Variants in LRFN5 observed in about 807,000 individuals in gnomAD.
LRFN5 encodes the protein leucine rich repeat and fibronectin type III domain containing 5.
In LRFN5, 24 loss-of-function variants were observed where a neutral mutation model predicts 45.6. The observed-to-expected ratio is 0.53, with a 90% confidence interval of 0.38 to 0.74. LRFN5 has a LOEUF of 0.74. Among genes scored for constraint, LRFN5 ranks in the 30% least tolerant of loss-of-function variants. LRFN5 has a pLI of 0.00. For synonymous variants in LRFN5, 340 were observed against 313.8 expected, an observed-to-expected ratio of 1.08 and a Z score of -0.88; for missense variants, 776 against 861.5, an observed-to-expected ratio of 0.90 and a Z score of 1.24.
At position 41,741,375 on chromosome 14, in the gene LRFN5, A is replaced by T. The variant is rs528475166; in HGVS notation, c.-196-25479A>T. 2.2e-4 allele frequency among the ~76,000 whole-genome samples: 34 copies of T among 151,860 alleles called. 1 individual carries two copies. Among genetic ancestry groups the T allele is most frequent in the South Asian group, 1.7e-3 (8 of 4,828 alleles). On this transcript the variant is annotated intron_variant, in intron 1 of 5. Transcript: ENST00000298119. ...AAGATATATTGATGAATGGAAAAGA[A>T]TAGAAAGCACAGAAGCAAACCTGAC...
intron 2 of LRFN5, among the ~76,000 whole-genome samples, chr14:41,882,906 T>C (rs1346855549): frequency 7.1e-6 from 1 of 141,682 alleles, no homozygotes; most frequent in African/African-American, 2.6e-5. Context: ...TGGAGTGTAA[T>C]GGCGCGATCT....
intron 1 of LRFN5, among the ~76,000 whole-genome samples, chr14:41,749,016 G>T (rs1885027209): frequency 6.6e-6 from 1 of 151,968 alleles, no homozygotes; most frequent in African/African-American, 2.4e-5. Flanking sequence ...AGGTGGAAGT[G>T]AGGACACCAG....
chr14:41,768,816 A>G (rs1222821317), intron 2 of LRFN5, among the ~76,000 whole-genome samples: 3 of 152,178 alleles, frequency 2.0e-5, no homozygotes, highest in African/African-American at 7.2e-5. Flanking sequence ...TAGATTCTCT[A>G]GTGTAAATCA....
chr14:41,901,209 A>C (rs1292449011), intron 5 of LRFN5, among the ~76,000 whole-genome samples: 1 of 152,080 alleles, frequency 6.6e-6, no homozygotes, highest in East Asian at 1.9e-4. Flanking sequence ...TTACGTATAA[A>C]ATTAATGCTG....
intron 1 of LRFN5, chr14:41,742,761 G>A (rs1359087432): frequency 3.7e-5 from 6 of 161,466 alleles, no homozygotes; most frequent in African/African-American, 9.6e-5. Context: ...TGATTTATCC[G>A]AAGACAGAAA....
chr14:41,857,581 T>G (rs1889514366), intron 2 of LRFN5, among the ~76,000 whole-genome samples: 1 of 152,216 alleles, frequency 6.6e-6, no homozygotes, highest in Non-Finnish European at 1.5e-5. Flanking sequence ...GTTTTATGTA[T>G]TTGTTCGTTC....
At chr14:41,875,292 C>A (rs1190160045) in intron 2 of LRFN5, among the ~76,000 whole-genome samples, 1 of 152,264 alleles carries the variant, frequency 6.6e-6, no homozygotes, top group Non-Finnish European at 1.5e-5. Flanking sequence ...CCATTGCCAC[C>A]TGCGCCAGCT....
chr14:41,746,164 G>T (rs190960564), intron 1 of LRFN5, among the ~76,000 whole-genome samples: 1 of 152,098 alleles, frequency 6.6e-6, no homozygotes, highest in East Asian at 1.9e-4. Flanking sequence ...GACTGACTGT[G>T]TGTGACTTAT....
chr14:41,879,848 A>G (rs530924308), intron 2 of LRFN5, among the ~76,000 whole-genome samples: 2 of 105,908 alleles, frequency 1.9e-5, no homozygotes, highest in South Asian at 3.0e-4. Flanking sequence ...GTATTTTTTT[A>G]TTCTTCTCAT....
chr14:41,623,074 C>G (rs2138562376), intron 1 of LRFN5, among the ~76,000 whole-genome samples: 1 of 152,178 alleles, frequency 6.6e-6, no homozygotes, highest in African/African-American at 2.4e-5. Flanking sequence ...GTTTGAGAGC[C>G]TCTGTTTCAG....
intron 1 of LRFN5, among the ~76,000 whole-genome samples, chr14:41,698,527 G>A (rs976816453): frequency 1.1e-3 from 168 of 152,066 alleles, no homozygotes; most frequent in African/African-American, 3.8e-3. Flanking sequence ...TGGAGCCTGT[G>A]GGTTTGGCAC....
chr14:41,673,244 C>T (rs574407340), intron 1 of LRFN5, among the ~76,000 whole-genome samples: 1 of 151,934 alleles, frequency 6.6e-6, no homozygotes, highest in Non-Finnish European at 1.5e-5. Context: ...ACCTCCCAGA[C>T]GGGGTGGTGG....
chr14:41,631,950 C>T (rs1347673142), intron 1 of LRFN5, among the ~76,000 whole-genome samples: 1 of 152,058 alleles, frequency 6.6e-6, no homozygotes, highest in East Asian at 1.9e-4. Context: ...GAGGCATGAC[C>T]TGAAATGGCT....
chr14:41,896,134 T>C (rs1160370531), intron 4 of LRFN5, among the ~76,000 whole-genome samples: 1 of 152,208 alleles, frequency 6.6e-6, no homozygotes, highest in Non-Finnish European at 1.5e-5. Context: ...TAAGTTTTTC[T>C]CTTTCATTAT....
chr14:41,882,654 T>G (rs1452323828), intron 2 of LRFN5, among the ~76,000 whole-genome samples: 1 of 152,158 alleles, frequency 6.6e-6, no homozygotes, highest in East Asian at 1.9e-4. Context: ...GACATAGGTG[T>G]TAATATTTTC....
chr14:41,847,600 G>A (rs1485341729), intron 2 of LRFN5, among the ~76,000 whole-genome samples: 2 of 151,588 alleles, frequency 1.3e-5, no homozygotes, highest in Non-Finnish European at 2.9e-5. Context: ...TATTTTAATC[G>A]TTTGATATGT....
intron 1 of LRFN5, among the ~76,000 whole-genome samples, chr14:41,762,681 CCTAT>C (rs1566658598): frequency 6.6e-6 from 1 of 151,934 alleles, no homozygotes; most frequent in Non-Finnish European, 1.5e-5. Context: ...AATAGAATTT[CCTAT>C]CTTATAACCT....
At chr14:41,783,015 G>C (rs1202375832) in intron 2 of LRFN5, among the ~76,000 whole-genome samples, 1 of 138,586 alleles carries the variant, frequency 7.2e-6, no homozygotes, top group Non-Finnish European at 1.5e-5. Context: ...AGGAAGCCTA[G>C]TGTTGGCTCA....
rs1594456350 is a variant in LRFN5, at chr14:41,841,547, T to A, written c.-20-45059T>A. ...TTCATGATTTGTACATGTCAGTAAT[T>A]TATTATTTTTATATTTATGTACTGT... On this transcript the variant is annotated intron_variant, in intron 2 of 5. Coordinates refer to ENST00000298119, the MANE Select transcript of LRFN5 (RefSeq NM_152447.5). Among the ~76,000 whole-genome samples, 3 of 152,094 alleles carry A rather than the reference T, an allele frequency of 2.0e-5. No individual in the cohort carries two copies. In the South Asian group the frequency reaches 6.2e-4, roughly 31 times the overall value.
Sources: allele counts gnomAD v4.1 joint callset (sites outside exome capture counted in the v4.1 genomes callset), GRCh38; gene constraint gnomAD v4.1.1; transcripts MANE v1.5; gene names NCBI Gene and HGNC (gene_info 2026-07-23, HGNC 2026-07-21).